The following LRFN5 variants were observed in gnomAD, a reference collection of about 807,000 sequenced individuals.
The protein encoded by LRFN5 is leucine rich repeat and fibronectin type III domain containing 5, also known as leucine-rich repeat and fibronectin type-III domain-containing protein 5.
In LRFN5, 24 loss-of-function variants were observed where a neutral mutation model predicts 45.6. That is an observed-to-expected ratio of 0.53 (90% CI 0.38 to 0.74). LRFN5 has a LOEUF of 0.74. Ranked by LOEUF, LRFN5 falls within the 30% of genes least tolerant of loss-of-function variation. LRFN5 has a pLI of 0.00. For synonymous variants in LRFN5, 340 were observed against 313.8 expected, an observed-to-expected ratio of 1.08 and a Z score of -0.88; for missense variants, 776 against 861.5, an observed-to-expected ratio of 0.90 and a Z score of 1.24.
At chr14:41,880,174 G>A (rs1409486221) in intron 2 of LRFN5, among the ~76,000 whole-genome samples, 4 of 151,746 alleles carry the variant, frequency 2.6e-5, no homozygotes, top group East Asian at 1.9e-4. Flanking sequence ...TGATCTGCCC[G>A]CCTTGGCCTC....
At chr14:41,772,858 A>G (rs761419664) in intron 2 of LRFN5, among the ~76,000 whole-genome samples, 1 of 152,142 alleles carries the variant, frequency 6.6e-6, no homozygotes, top group Non-Finnish European at 1.5e-5. Context: ...GGTCAGTTTT[A>G]CCTACAAAGA....
intron 4 of LRFN5, chr14:41,893,085 G>A (rs1890836399): frequency 2.0e-6 from 2 of 984,248 alleles, no homozygotes; most frequent in Non-Finnish European, 2.4e-6. Context: ...TTTCCCATTT[G>A]CACTATAGTT....
intron 2 of LRFN5, among the ~76,000 whole-genome samples, chr14:41,817,780 A>C (rs1887971426): frequency 6.6e-6 from 1 of 152,136 alleles, no homozygotes; most frequent in Non-Finnish European, 1.5e-5. Flanking sequence ...AAAATACAAA[A>C]GGGTAAGGGC....
chr14:41,691,908 T>TCACTAG (rs1882395316), intron 1 of LRFN5, among the ~76,000 whole-genome samples: 1 of 152,134 alleles, frequency 6.6e-6, no homozygotes, highest in Non-Finnish European at 1.5e-5. Context: ...TATCAGTATT[T>TCACTAG]TGCTCCTTTT....
At chr14:41,881,110 T>C (rs1299574978) in intron 2 of LRFN5, among the ~76,000 whole-genome samples, 1 of 152,156 alleles carries the variant, frequency 6.6e-6, no homozygotes. Flanking sequence ...AAGTTTTTGC[T>C]GTAGTTTAGG....
chr14:41,886,180 T>C (rs1890566446), intron 2 of LRFN5, among the ~76,000 whole-genome samples: 1 of 152,166 alleles, frequency 6.6e-6, no homozygotes, highest in Non-Finnish European at 1.5e-5. Context: ...ATTGACCTAC[T>C]TACAAATCTT....
chr14:41,660,990 C>T (rs1018658060), intron 1 of LRFN5, among the ~76,000 whole-genome samples: 2 of 150,226 alleles, frequency 1.3e-5, no homozygotes, highest in Non-Finnish European at 3.0e-5. Context: ...ATTTTTGCAC[C>T]CTTGCATGAT....
intron 1 of LRFN5, among the ~76,000 whole-genome samples, chr14:41,612,926 T>G (rs956936631): frequency 6.6e-6 from 1 of 151,840 alleles, no homozygotes; most frequent in Non-Finnish European, 1.5e-5. Flanking sequence ...TTCATCATAT[T>G]GTTGTGAAAG....
chr14:41,693,993 G>T (rs1882490502), intron 1 of LRFN5, among the ~76,000 whole-genome samples: 1 of 151,562 alleles, frequency 6.6e-6, no homozygotes, highest in Non-Finnish European at 1.5e-5. Context: ...CTTGATTTTG[G>T]CAATTATTTT....
intron 2 of LRFN5, among the ~76,000 whole-genome samples, chr14:41,787,549 A>G (rs1051688017): frequency 1.3e-5 from 2 of 151,548 alleles, no homozygotes; most frequent in Non-Finnish European, 2.9e-5. Flanking sequence ...GGAAAAAAAT[A>G]TATCAGTCTC....
Position 41,808,177 on chromosome 14 carries a change from G to C in LRFN5, c.-21+41148G>C, listed in dbSNP as rs1438460330. ...GAAGCATAAAGAAAGTGGAGGGAGGGAGGAAGAAGAGGAAGTAGAGGGAAG... is the reference window on the plus strand; with the variant it reads ...GAAGCATAAAGAAAGTGGAGGGAGGCAGGAAGAAGAGGAAGTAGAGGGAAG... On this transcript the variant is annotated intron_variant, in intron 2 of 5. Coordinates refer to ENST00000298119, the MANE Select transcript of LRFN5 (RefSeq NM_152447.5). Among the ~76,000 whole-genome samples, 5 of 144,134 alleles carry C rather than the reference G, an allele frequency of 3.5e-5. No individual in the cohort carries two copies. In the South Asian group the frequency reaches 1.2e-3, roughly 33 times the overall value. The allele number at this position is 144,134 out of a possible 152,430, so 94.6% of individuals were successfully genotyped here.
intron 2 of LRFN5, among the ~76,000 whole-genome samples, chr14:41,853,359 C>A (rs1889340226): frequency 6.6e-6 from 1 of 151,828 alleles, no homozygotes; most frequent in African/African-American, 2.4e-5. Context: ...TTAAGCATTT[C>A]AAGCAAAAGG....
intron 2 of LRFN5, among the ~76,000 whole-genome samples, chr14:41,866,264 T>G: frequency 6.6e-6 from 1 of 152,278 alleles, no homozygotes; most frequent in East Asian, 1.9e-4. Flanking sequence ...TCCTGGGAAT[T>G]CTGACAATTA....
At chr14:41,655,427 A>G (rs1357268871) in intron 1 of LRFN5, among the ~76,000 whole-genome samples, 1 of 152,032 alleles carries the variant, frequency 6.6e-6, no homozygotes, top group African/African-American at 2.4e-5. Flanking sequence ...CATGTCTAGA[A>G]TGATTTAGGA....
At chr14:41,656,068 A>G (rs1880364960) in intron 1 of LRFN5, among the ~76,000 whole-genome samples, 1 of 151,982 alleles carries the variant, frequency 6.6e-6, no homozygotes. Flanking sequence ...GTAACCATCT[A>G]GCTAAATAAA....
chr14:41,856,397 C>T (rs1321815042), intron 2 of LRFN5, among the ~76,000 whole-genome samples: 13 of 152,060 alleles, frequency 8.5e-5, no homozygotes, highest in Admixed American at 8.5e-4. Context: ...CCTTTTCATT[C>T]AAGGAGCTTC....
intron 2 of LRFN5, among the ~76,000 whole-genome samples, chr14:41,883,173 A>G (rs1466919497): frequency 7.1e-6 from 1 of 140,140 alleles, no homozygotes; most frequent in African/African-American, 2.6e-5. Context: ...TTTATCAAGG[A>G]CTGCCACCTC....
chr14:41,759,496 CACAGAG>C (rs1216485110), intron 1 of LRFN5, among the ~76,000 whole-genome samples: 145 of 25,436 alleles, frequency 5.7e-3, no homozygotes, highest in Middle Eastern at 0.017. Context: ...CACACACACA[CACAGAG>C]AGAGCACCAG....
chr14:41,626,202 T>C (rs993423018), intron 1 of LRFN5, among the ~76,000 whole-genome samples: 4 of 152,122 alleles, frequency 2.6e-5, no homozygotes, highest in East Asian at 1.9e-4. Flanking sequence ...CGGATTATTA[T>C]TATAGGTCAA....
Sources: gnomAD v4.1 joint callset for allele counts (sites outside exome capture counted in the v4.1 genomes callset) on GRCh38, gnomAD v4.1.1 for gene constraint, MANE v1.5 for transcripts, NCBI Gene and HGNC (gene_info 2026-07-23, HGNC 2026-07-21) for gene names.